The following RBFOX3 variants were observed in gnomAD, a reference collection of about 807,000 sequenced individuals.
The protein encoded by RBFOX3 is RNA binding protein fox-1 homolog 3.
A neutral mutation model predicts 48.7 loss-of-function variants in RBFOX3; 17 were observed. The observed-to-expected ratio is 0.35, with a 90% CI of 0.24 to 0.52. The LOEUF is 0.52. Ranked by LOEUF, RBFOX3 falls within the 20% of genes least tolerant of loss-of-function variation. RBFOX3 has a pLI of 0.94. For synonymous variants in RBFOX3, 212 were observed against 209.5 expected (o/e 1.01, Z -0.10); for missense variants, 382 against 497.5 (o/e 0.77, Z 2.21).
Position 79,362,580 on chromosome 17 carries a change from G to A in RBFOX3, c.-174-54756C>T, listed in dbSNP as rs1026884865. 6.6e-6 allele frequency among the ~76,000 whole-genome samples: 1 copy of A among 152,220 alleles called. No homozygotes were observed. The highest frequency in any genetic ancestry group is 2.4e-5 in the African/African-American group (1 of 41,454). On this transcript the variant is annotated intron_variant, in intron 2 of 14. Coordinates refer to ENST00000693108, the MANE Select transcript of RBFOX3 (RefSeq NM_001350451.2). This position sits in a 1 kb window ranked among gnomAD's most constrained non-coding sequence, Gnocchi z 4.2. ...GGAGATGGGAGCCTTTATGTCCCGC[G>A]TGTGAGGGGCCCAGAGGCCTCTTTG...
At chr17:79,314,217 G>A (rs1241852841) in intron 2 of RBFOX3, among the ~76,000 whole-genome samples, 4 of 152,146 alleles carry the variant, frequency 2.6e-5, no homozygotes, top group East Asian at 1.9e-4. Context: ...CTGCTTTCCC[G>A]AGTGACAAAG....
At chr17:79,465,697 G>A (rs1466839923) in intron 2 of RBFOX3, among the ~76,000 whole-genome samples, 2 of 152,214 alleles carry the variant, frequency 1.3e-5, no homozygotes, top group Non-Finnish European at 2.9e-5. Flanking sequence ...GGCCTGGAGG[G>A]CTCCCGTCGG....
intron 2 of RBFOX3, among the ~76,000 whole-genome samples, chr17:79,445,039 T>C (rs997727147): frequency 9.2e-5 from 14 of 152,148 alleles, no homozygotes; most frequent in Non-Finnish European, 5.9e-5. Context: ...TCACTGAGCA[T>C]GACGTCCTCA....
At chr17:79,565,056 A>G (rs2092404004) in intron 1 of RBFOX3, among the ~76,000 whole-genome samples, 1 of 151,026 alleles carries the variant, frequency 6.6e-6, no homozygotes, top group African/African-American at 2.4e-5. Context: ...AAAAAAAAAA[A>G]GAGTGATGCT....
chr17:79,575,650 T>C lies in RBFOX3; in HGVS notation c.-320+35176A>G, dbSNP rs899105215. 4.2e-3 allele frequency among the ~76,000 whole-genome samples: 647 copies of C among 152,320 alleles called. 1 individual carries two copies. Among genetic ancestry groups the C allele is most frequent in the Non-Finnish European group, 7.5e-3 (509 of 68,006 alleles). On this transcript the variant is annotated intron_variant, in intron 1 of 14. Transcript: ENST00000693108. ...CACTCACCCTTTGAAAAAGCTATTC[T>C]AAATGAGGCTAAAAATTGAACAACT...
intron 1 of RBFOX3, among the ~76,000 whole-genome samples, chr17:79,592,599 AGTGGTT>A (rs2093453897): frequency 6.6e-6 from 1 of 151,946 alleles, no homozygotes; most frequent in South Asian, 2.1e-4. Context: ...TGGGGCAGGG[AGTGGTT>A]CCCTCCCCAC....
intron 2 of RBFOX3, among the ~76,000 whole-genome samples, chr17:79,316,270 C>T (rs574840567): frequency 4.6e-5 from 7 of 152,250 alleles, no homozygotes; most frequent in South Asian, 2.1e-4. Flanking sequence ...GATCCTGTTT[C>T]GGGAAGATCG....
At chr17:79,096,149 T>C (rs995081772) in intron 12 of RBFOX3, among the ~76,000 whole-genome samples, 14 of 152,174 alleles carry the variant, frequency 9.2e-5, no homozygotes, top group Admixed American at 4.6e-4. Flanking sequence ...GCTGGGTACA[T>C]GGGGTGTGGC....
chr17:79,211,865 C>T (rs953363110), intron 4 of RBFOX3, among the ~76,000 whole-genome samples: 3 of 152,180 alleles, frequency 2.0e-5, no homozygotes, highest in African/African-American at 4.8e-5. Context: ...CGGTTAGGCC[C>T]TCTCTTAGCA....
chr17:79,313,452 G>A (rs1186897031), intron 2 of RBFOX3, among the ~76,000 whole-genome samples: 1 of 152,184 alleles, frequency 6.6e-6, no homozygotes, highest in African/African-American at 2.4e-5. Context: ...CTGTTTACCT[G>A]TTTCCACCCT....
At chr17:79,335,250 A>G (rs2086037324) in intron 2 of RBFOX3, among the ~76,000 whole-genome samples, 1 of 152,224 alleles carries the variant, frequency 6.6e-6, no homozygotes, top group Admixed American at 6.5e-5. Flanking sequence ...TTTGCAAATG[A>G]AACAGATGGA....
intron 2 of RBFOX3, among the ~76,000 whole-genome samples, chr17:79,383,919 G>T (rs552338250): frequency 3.3e-5 from 5 of 152,166 alleles, no homozygotes; most frequent in Admixed American, 3.3e-4. Context: ...CCCATATGTG[G>T]CAAGGAATGT....
rs71387903 is a variant in RBFOX3 at position 79,199,305 on chromosome 17, C to T, written c.-34+36461G>A. ...TCCGGTGGACTTCACACCTGCACGG[C>T]ACCTCCTGGCTCTCATTCATCCTGC... On this transcript the variant is annotated intron_variant, in intron 4 of 14. Transcript: ENST00000693108. This position sits in a 1 kb window ranked among gnomAD's most constrained non-coding sequence, Gnocchi z 5.1. 6.6e-6 allele frequency among the ~76,000 whole-genome samples: 1 copy of T among 152,200 alleles called. No individual in the cohort carries two copies.
the RBFOX3 span, among the ~76,000 whole-genome samples, chr17:79,617,421 C>T: frequency 6.6e-6 from 1 of 152,078 alleles, no homozygotes; most frequent in African/African-American, 2.4e-5. Context: ...TCCACACCCA[C>T]GGACACCCCA....
rs572178653 is a variant in RBFOX3, at chr17:79,451,866, C to T, written c.-175+30588G>A. ...GGGGCCTAGTGCCCAAGGGATCATA[C>T]GTGCTTCACGTCTGGAGACGCTTCC... On this transcript the variant is annotated intron_variant, in intron 2 of 14. Transcript: ENST00000693108. Among the ~76,000 whole-genome samples, 44 of 152,368 alleles carry T rather than the reference C, an allele frequency of 2.9e-4. No individual in the cohort carries two copies. In the South Asian group the frequency reaches 4.8e-3, roughly 16 times the overall value.
chr17:79,317,923 T>C (rs909093129), intron 2 of RBFOX3, among the ~76,000 whole-genome samples: 4 of 152,172 alleles, frequency 2.6e-5, no homozygotes, highest in African/African-American at 9.7e-5. Flanking sequence ...TTCCCTATCT[T>C]GAGTTGTCGG....
At chr17:79,536,289 GCTGAACTT>G (rs2088731786) in intron 1 of RBFOX3, among the ~76,000 whole-genome samples, 2 of 152,192 alleles carry the variant, frequency 1.3e-5, no homozygotes, top group Admixed American at 1.3e-4. Flanking sequence ...TGTGGGCCAG[GCTGAACTT>G]TTGACCTCAA....
At chr17:79,447,827 G>A (rs568238488) in intron 2 of RBFOX3, among the ~76,000 whole-genome samples, 8 of 152,310 alleles carry the variant, frequency 5.3e-5, no homozygotes, top group South Asian at 2.1e-4. Flanking sequence ...GGCTCATGTC[G>A]CTACCCAAAT....
chr17:79,381,972 G>A (rs933160049), intron 2 of RBFOX3, among the ~76,000 whole-genome samples: 1 of 152,176 alleles, frequency 6.6e-6, no homozygotes, highest in Non-Finnish European at 1.5e-5. Flanking sequence ...ACGTCTCCAA[G>A]GACAGCTCAG....
Sources: gnomAD v4.1 joint callset for allele counts (sites outside exome capture counted in the v4.1 genomes callset) on GRCh38, gnomAD v4.1.1 for gene constraint, Gnocchi (gnomAD v3.1) non-coding constraint, MANE v1.5 for transcripts, NCBI Gene and HGNC (gene_info 2026-07-23, HGNC 2026-07-21) for gene names.